Variants in MGAT5 observed in about 807,000 individuals in gnomAD.
MGAT5 encodes the protein alpha-1,6-mannosylglycoprotein 6-beta-N-acetylglucosaminyltransferase, also known as alpha-1,6-mannosylglycoprotein 6-beta-N-acetylglucosaminyltransferase A.
MGAT5 carries 30 observed loss-of-function variants against 94.3 expected under a neutral mutation model. That is an observed-to-expected ratio of 0.32 (90% CI 0.24 to 0.43). The LOEUF (loss-of-function observed/expected upper bound fraction) is 0.43, where lower values mean the gene tolerates loss of function less well. MGAT5 is among the 20% of genes least tolerant of loss of function. The pLI is 1.00. For missense variants in MGAT5, 691 were observed against 905.5 expected, an observed-to-expected ratio of 0.76 and a Z score of 3.04; for synonymous variants, 310 against 322.9, an observed-to-expected ratio of 0.96 and a Z score of 0.43.
At chr2:134,316,057 A>G (rs969403213) in intron 2 of MGAT5, among the ~76,000 whole-genome samples, 1 of 152,188 alleles carries the variant, frequency 6.6e-6, no homozygotes, top group Non-Finnish European at 1.5e-5. Flanking sequence ...TGCTTTCTTT[A>G]GAAAACTATC....
chr2:134,274,731 C>A (rs1033319010), intron 2 of MGAT5, among the ~76,000 whole-genome samples: 1 of 152,180 alleles, frequency 6.6e-6, no homozygotes, highest in African/African-American at 2.4e-5. Flanking sequence ...TGCAAGGTCA[C>A]TTGGGAAGCA....
chr2:134,235,953 C>G (rs1428115428), intron 1 of MGAT5, among the ~76,000 whole-genome samples: 1 of 152,142 alleles, frequency 6.6e-6, no homozygotes, highest in Non-Finnish European at 1.5e-5. Flanking sequence ...CCCCTTCCTA[C>G]CACGATCACA....
intron 4 of MGAT5, among the ~76,000 whole-genome samples, chr2:134,326,373 A>AG (rs754676150): frequency 1.5e-4 from 23 of 152,132 alleles, no homozygotes; most frequent in Admixed American, 4.6e-4. Flanking sequence ...TTGGCCAGTG[A>AG]GGACCTATTC....
chr2:134,122,468 C>T (rs541821233), intron 1 of MGAT5, among the ~76,000 whole-genome samples: 1 of 152,202 alleles, frequency 6.6e-6, no homozygotes, highest in Admixed American at 6.5e-5. Context: ...TTTCTCTTGC[C>T]CTCCTCCATC....
At chr2:134,172,811 C>G (rs1688281757) in intron 1 of MGAT5, among the ~76,000 whole-genome samples, 1 of 152,220 alleles carries the variant, frequency 6.6e-6, no homozygotes, top group Non-Finnish European at 1.5e-5. Context: ...TTATATTTCA[C>G]AGGCTGATAG....
chr2:134,206,831 G>A (rs755628619), intron 1 of MGAT5, among the ~76,000 whole-genome samples: 8 of 152,158 alleles, frequency 5.3e-5, no homozygotes, highest in Non-Finnish European at 7.3e-5. Flanking sequence ...GCAAGGAACC[G>A]ACTGTCCCTA....
chr2:134,296,208 A>G (rs2121690), intron 2 of MGAT5, among the ~76,000 whole-genome samples: 148,037 of 152,228 alleles, frequency 0.97, 72,042 homozygotes, highest in East Asian at 1. Context: ...GCTGTGTCAG[A>G]GAATTGGGGA....
At chr2:134,365,254 A>T (rs1444907101) in intron 10 of MGAT5, among the ~76,000 whole-genome samples, 1 of 152,118 alleles carries the variant, frequency 6.6e-6, no homozygotes, top group East Asian at 1.9e-4. Context: ...CTCCTTCTTG[A>T]GGGAATCTCC....
intron 1 of MGAT5, among the ~76,000 whole-genome samples, chr2:134,187,684 A>G (rs924215468): frequency 6.6e-5 from 10 of 152,198 alleles, no homozygotes; most frequent in Non-Finnish European, 1.5e-4. Context: ...CTATGTCCCG[A>G]GTGTCTAGAA....
At chr2:134,183,866 T>C (rs903627407) in intron 1 of MGAT5, among the ~76,000 whole-genome samples, 3 of 152,344 alleles carry the variant, frequency 2.0e-5, no homozygotes, top group African/African-American at 4.8e-5. Flanking sequence ...CAGCAGGCCA[T>C]GCGGGACATG....
chr2:134,364,337 T>C (rs1380425740), intron 10 of MGAT5, among the ~76,000 whole-genome samples: 1 of 152,038 alleles, frequency 6.6e-6, no homozygotes, highest in Non-Finnish European at 1.5e-5. Context: ...CTGTCTGTAC[T>C]AAATACAAAA....
At chr2:134,171,507 G>A (rs1688206814) in intron 1 of MGAT5, among the ~76,000 whole-genome samples, 1 of 152,170 alleles carries the variant, frequency 6.6e-6, no homozygotes, top group Non-Finnish European at 1.5e-5. Context: ...GATGGATTTG[G>A]ATCCTAACAA....
chr2:134,233,774 A>G (rs1573576614), intron 1 of MGAT5, among the ~76,000 whole-genome samples: 2 of 152,124 alleles, frequency 1.3e-5, no homozygotes, highest in East Asian at 3.9e-4. Context: ...AGGAAACTGG[A>G]TCTTCATTTC....
intron 12 of MGAT5, among the ~76,000 whole-genome samples, chr2:134,416,086 T>C (rs1278911589): frequency 6.6e-6 from 1 of 152,236 alleles, no homozygotes; most frequent in Non-Finnish European, 1.5e-5. Flanking sequence ...ATATTAATTT[T>C]CCATGTTTGT....
intron 1 of MGAT5, chr2:134,127,288 C>T (rs1334812136): frequency 6.5e-6 from 1 of 154,712 alleles, no homozygotes; most frequent in Non-Finnish European, 1.5e-5. Flanking sequence ...GTTCTAGTCT[C>T]TGTGACTAAG....
At chr2:134,350,471 T>C (rs1573888162) in intron 9 of MGAT5, among the ~76,000 whole-genome samples, 1 of 152,210 alleles carries the variant, frequency 6.6e-6, no homozygotes, top group African/African-American at 2.4e-5. Flanking sequence ...TTACCTTCTC[T>C]TGCTGACTTG....
At position 134,425,942 on chromosome 2, in the gene MGAT5, G is replaced by A. The variant is rs180782000; in HGVS notation, c.1795-2423G>A. Reference sequence around the variant, plus strand: ...GCAGGATGCCCAAGAATACTTCCTTGCTTCTCCACAGCTGGCCTAGCTTGG... The same window carrying A: ...GCAGGATGCCCAAGAATACTTCCTTACTTCTCCACAGCTGGCCTAGCTTGG... On this transcript the variant is annotated intron_variant, in intron 13 of 15. Transcript: ENST00000281923. Among the ~76,000 whole-genome samples, 20 of 148,042 alleles carry A rather than the reference G, an allele frequency of 1.4e-4. No individual in the cohort carries two copies. The East Asian group carries it at 3.2e-3, about 23-fold the overall frequency.
chr2:134,426,205 A>ACTTCCTTCCTTCCTTCCTTC (rs112848952), intron 13 of MGAT5, among the ~76,000 whole-genome samples: 128 of 136,094 alleles, frequency 9.4e-4, no homozygotes, highest in Non-Finnish European at 1.8e-3. Flanking sequence ...TGACTCACCG[A>ACTTCCTTCCTTCCTTCCTTC]CTTCCTTCCT....
At chr2:134,181,112 T>G (rs942094010) in intron 1 of MGAT5, among the ~76,000 whole-genome samples, 11 of 152,230 alleles carry the variant, frequency 7.2e-5, no homozygotes, top group Admixed American at 5.2e-4. Context: ...CCTGATTTCT[T>G]GTGTACTCTT....
Sources: gnomAD v4.1 joint callset for allele counts (sites outside exome capture counted in the v4.1 genomes callset) on GRCh38, gnomAD v4.1.1 for gene constraint, MANE v1.5 for transcripts, NCBI Gene and HGNC (gene_info 2026-07-23, HGNC 2026-07-21) for gene names.